NRXN3: variants seen among roughly 807,000 people sequenced by gnomAD.
NRXN3 encodes the protein neurexin III.
A neutral mutation model predicts 137.6 loss-of-function variants in NRXN3; 32 were observed. That is an observed-to-expected ratio of 0.23 (90% CI 0.18 to 0.31). NRXN3 has a LOEUF of 0.31. Ranked by LOEUF, NRXN3 falls within the 10% of genes least tolerant of loss-of-function variation. The pLI is 1.00. For synonymous variants in NRXN3, 798 were observed against 784.5 expected, an observed-to-expected ratio of 1.02 and a Z score of -0.29; for missense variants, 1,574 against 2,062.5, an observed-to-expected ratio of 0.76 and a Z score of 4.59.
chr14:79,084,933 A>C (rs1308048025), intron 15 of NRXN3, among the ~76,000 whole-genome samples: 2 of 152,100 alleles, frequency 1.3e-5, no homozygotes, highest in Non-Finnish European at 2.9e-5. Context: ...ACTGTTGGGG[A>C]CCATCTGTTA....
intron 16 of NRXN3, among the ~76,000 whole-genome samples, chr14:79,492,683 A>G (rs1400598606): frequency 6.6e-6 from 1 of 152,184 alleles, no homozygotes; most frequent in African/African-American, 2.4e-5. Flanking sequence ...TGCCTGGCTA[A>G]TGTATCATTT....
At chr14:78,336,957 G>A (rs2153577328) in intron 4 of NRXN3, among the ~76,000 whole-genome samples, 1 of 152,268 alleles carries the variant, frequency 6.6e-6, no homozygotes, top group Non-Finnish European at 1.5e-5. Context: ...TGGATCATCT[G>A]TATGTTTATA....
intron 15 of NRXN3, among the ~76,000 whole-genome samples, chr14:79,272,340 T>C (rs2079482846): frequency 6.6e-6 from 1 of 151,720 alleles, no homozygotes; most frequent in Non-Finnish European, 1.5e-5. Context: ...TTAGTGTTCA[T>C]GGAGAAAATG....
chr14:79,289,168 A>G (rs2082753299), intron 15 of NRXN3, among the ~76,000 whole-genome samples: 1 of 152,174 alleles, frequency 6.6e-6, no homozygotes. Context: ...CTCTGAGTCC[A>G]TTGCCTTTTC....
intron 4 of NRXN3, among the ~76,000 whole-genome samples, chr14:78,382,283 A>G (rs2089262694): frequency 6.6e-6 from 1 of 152,206 alleles, no homozygotes; most frequent in Non-Finnish European, 1.5e-5. Context: ...GGTGAAGAAA[A>G]AAGTTCAGTA....
rs562037189 is a variant in NRXN3, at chr14:78,782,938, C to G, written c.2045-20682C>G. Among the ~76,000 whole-genome samples, 8 of 152,230 alleles carry G rather than the reference C, an allele frequency of 5.3e-5. No homozygotes were observed. In the East Asian group the frequency reaches 1.4e-3, roughly 26 times the overall value. On this transcript the variant is annotated intron_variant, in intron 8 of 20. Coordinates refer to ENST00000335750, the MANE Select transcript of NRXN3 (RefSeq NM_001330195.2). ...ATAAGAACACAGTTGAGTTTCAACTCATAAATGTAGGAGGAAACAGGAAAA... is the reference window on the plus strand; with the variant it reads ...ATAAGAACACAGTTGAGTTTCAACTGATAAATGTAGGAGGAAACAGGAAAA...
intron 10 of NRXN3, among the ~76,000 whole-genome samples, chr14:78,828,238 C>A (rs572565251): frequency 1.6e-4 from 24 of 152,322 alleles, no homozygotes; most frequent in African/African-American, 5.8e-4. Flanking sequence ...GTCTAACTTT[C>A]AACCCACACT....
intron 4 of NRXN3, among the ~76,000 whole-genome samples, chr14:78,577,757 G>C (rs547954518): frequency 6.6e-6 from 1 of 152,084 alleles, no homozygotes; most frequent in Admixed American, 6.6e-5. Flanking sequence ...TTAATGTTGC[G>C]TACAGAAACT....
At chr14:78,685,895 C>T (rs2098121560) in intron 6 of NRXN3, among the ~76,000 whole-genome samples, 1 of 151,652 alleles carries the variant, frequency 6.6e-6, no homozygotes, top group Non-Finnish European at 1.5e-5. Context: ...GTGATCCACC[C>T]ACCTCGGCCT....
chr14:78,943,620 AAATATATATATATATATAT>A (rs1329977884), intron 10 of NRXN3, among the ~76,000 whole-genome samples: 8 of 32,102 alleles, frequency 2.5e-4, no homozygotes, highest in East Asian at 1.8e-3. Context: ...TAAAAAAAAA[AAATATATATATATATATAT>A]ATATATATAT....
chr14:79,149,190 G>A (rs1251405279), intron 15 of NRXN3, among the ~76,000 whole-genome samples: 1 of 152,100 alleles, frequency 6.6e-6, no homozygotes, highest in Non-Finnish European at 1.5e-5. Context: ...GGGGGAATGT[G>A]GGGATGCGAG....
chr14:78,576,492 A>C (rs903708716), intron 4 of NRXN3, among the ~76,000 whole-genome samples: 3 of 152,146 alleles, frequency 2.0e-5, no homozygotes, highest in Non-Finnish European at 4.4e-5. Context: ...TACTATTACT[A>C]TTTTGGTGTT....
chr14:79,539,269 A>C lies in NRXN3; in HGVS notation c.3444+71867A>C, dbSNP rs566572815. On this transcript the variant is annotated intron_variant, in intron 16 of 20. Coordinates refer to ENST00000335750, the MANE Select transcript of NRXN3 (RefSeq NM_001330195.2). Reference sequence around the variant, plus strand: ...GGTTGGTCTTGAACTCCTGACCTCAAATCATCCACCCACCTGGGCCTCCCA... The same window carrying C: ...GGTTGGTCTTGAACTCCTGACCTCACATCATCCACCCACCTGGGCCTCCCA... 7.2e-5 allele frequency among the ~76,000 whole-genome samples: 11 copies of C among 152,126 alleles called. No homozygotes were observed. In the South Asian group the frequency reaches 2.3e-3, roughly 32 times the overall value.
intron 15 of NRXN3, among the ~76,000 whole-genome samples, chr14:79,016,445 G>A (rs1383716116): frequency 1.3e-5 from 2 of 152,174 alleles, no homozygotes; most frequent in Admixed American, 6.5e-5. Context: ...TTTTCAAGGT[G>A]ACTGAAAACT....
intron 4 of NRXN3, among the ~76,000 whole-genome samples, chr14:78,624,478 T>G (rs986614480): frequency 6.6e-6 from 1 of 152,228 alleles, no homozygotes; most frequent in African/African-American, 2.4e-5. Flanking sequence ...AGAGCTGGCA[T>G]GGCAAGAGGG....
chr14:78,216,810 G>A (rs916225243), intron 1 of NRXN3, among the ~76,000 whole-genome samples: 3 of 152,128 alleles, frequency 2.0e-5, no homozygotes, highest in African/African-American at 7.2e-5. Context: ...TTCCTTCCTC[G>A]CCTCTTCTCG....
At chr14:78,309,894 T>C (rs2077770086) in intron 4 of NRXN3, among the ~76,000 whole-genome samples, 1 of 152,112 alleles carries the variant, frequency 6.6e-6, no homozygotes, top group South Asian at 2.1e-4. Context: ...TTTAAGTACA[T>C]TTTCTATTTT....
chr14:78,270,240 C>T (rs766813079), intron 2 of NRXN3, among the ~76,000 whole-genome samples: 8 of 152,194 alleles, frequency 5.3e-5, no homozygotes, highest in Non-Finnish European at 1.0e-4. Flanking sequence ...TGTTTTCCAA[C>T]ATAGGAATTG....
chr14:78,620,938 A>G (rs1049105868), intron 4 of NRXN3, among the ~76,000 whole-genome samples: 1 of 152,218 alleles, frequency 6.6e-6, no homozygotes, highest in Non-Finnish European at 1.5e-5. Flanking sequence ...AAGAGTCTCC[A>G]GAATTTGAGA....
Sources: allele counts gnomAD v4.1 joint callset (sites outside exome capture counted in the v4.1 genomes callset), GRCh38; gene constraint gnomAD v4.1.1; transcripts MANE v1.5; gene names NCBI Gene and HGNC (gene_info 2026-07-23, HGNC 2026-07-21).